Variants in CSMD1 observed in about 807,000 individuals in gnomAD.
CSMD1 encodes CUB and sushi domain-containing protein 1.
A neutral mutation model predicts 417.5 loss-of-function variants in CSMD1; 213 were observed. That is an observed-to-expected ratio of 0.51 (90% CI 0.46 to 0.57). CSMD1 has a LOEUF of 0.57. Among genes scored for constraint, CSMD1 ranks in the 20% least tolerant of loss-of-function variants. The probability of loss-of-function intolerance (pLI) is 0.00; values close to 1 mark genes in which losing one functional copy is unlikely to be tolerated. For synonymous variants in CSMD1, 2,862 were observed against 1,736.8 expected, an observed-to-expected ratio of 1.65 and a Z score of -16.11; for missense variants, 6,923 against 4,529.7, an observed-to-expected ratio of 1.53 and a Z score of -15.17.
At chr8:4,281,054 T>G (rs1008324344) in intron 3 of CSMD1, among the ~76,000 whole-genome samples, 5 of 152,220 alleles carry the variant, frequency 3.3e-5, no homozygotes, top group African/African-American at 1.2e-4. Context: ...TCTGGCTTCA[T>G]GTGTTCACCT....
intron 2 of CSMD1, among the ~76,000 whole-genome samples, chr8:4,455,557 G>A (rs1468756072): frequency 6.6e-6 from 1 of 152,090 alleles, no homozygotes; most frequent in Non-Finnish European, 1.5e-5. Flanking sequence ...TATAGAATAT[G>A]ACCTCCTGCT....
intron 5 of CSMD1, among the ~76,000 whole-genome samples, chr8:3,894,372 C>G (rs961562072): frequency 1.6e-4 from 24 of 152,244 alleles, no homozygotes; most frequent in Admixed American, 8.5e-4. Context: ...TGTTGCAACT[C>G]AAGGGGAGAC....
chr8:3,263,197 C>G (rs958810743), intron 26 of CSMD1, among the ~76,000 whole-genome samples: 1 of 152,170 alleles, frequency 6.6e-6, no homozygotes. Flanking sequence ...CTCCTGGGTT[C>G]AAGCGATTCT....
rs773247399 is a variant in CSMD1 at position 3,308,379 on chromosome 8, G to A, written c.3756C>T (p.Gly1252=). The A allele has an allele frequency of 3.7e-6, 6 of 1,613,830 alleles. No individual in the cohort carries two copies. The highest frequency in any genetic ancestry group is 3.4e-6 in the Non-Finnish European group (4 of 1,179,804). ...YSCNPGYAMH[G]SNTLTCLSGD... ...CACTCAAACAGGTCAGGGTGTTGCT[G>A]CCATGCATGGCGTACCCCGGGTTGC... The change falls in exon 24 of 70, where the codon GGC becomes GGT. Residue 1252 remains glycine (G), a synonymous_variant. Coordinates refer to ENST00000635120, the MANE Select transcript of CSMD1 (RefSeq NM_033225.6).
intron 3 of CSMD1, among the ~76,000 whole-genome samples, chr8:4,334,602 T>C (rs563565548): frequency 2.6e-5 from 4 of 152,294 alleles, no homozygotes; most frequent in African/African-American, 9.6e-5. Context: ...TATTTCTCTA[T>C]CTGTATTTCC....
chr8:3,622,710 T>G (rs568775901), intron 7 of CSMD1, among the ~76,000 whole-genome samples: 1 of 152,380 alleles, frequency 6.6e-6, no homozygotes, highest in South Asian at 2.1e-4. Context: ...GGGAGTTGTT[T>G]CGTGTGATAA....
chr8:3,648,634 C>G (rs2117365847), intron 7 of CSMD1, among the ~76,000 whole-genome samples: 1 of 152,254 alleles, frequency 6.6e-6, no homozygotes, highest in African/African-American at 2.4e-5. Flanking sequence ...TTCTCTAGAG[C>G]ATAACAGGAC....
At chr8:3,704,122 G>A (rs1352058445) in intron 7 of CSMD1, among the ~76,000 whole-genome samples, 1 of 152,222 alleles carries the variant, frequency 6.6e-6, no homozygotes, top group Non-Finnish European at 1.5e-5. Flanking sequence ...AATTAGAGCA[G>A]TCCTCCATCA....
At chr8:4,563,088 T>C (rs779031735) in intron 2 of CSMD1, among the ~76,000 whole-genome samples, 8 of 152,044 alleles carry the variant, frequency 5.3e-5, no homozygotes, top group Non-Finnish European at 1.0e-4. Flanking sequence ...TGAATCTGGG[T>C]TTCTGGAATC....
intron 1 of CSMD1, among the ~76,000 whole-genome samples, chr8:4,948,743 G>T (rs1385842004): frequency 6.6e-6 from 1 of 152,056 alleles, no homozygotes; most frequent in Non-Finnish European, 1.5e-5. Flanking sequence ...TTTAAGAAAA[G>T]TGATAGTTTA....
chr8:4,324,266 TTTCCTC>T (rs1188523868), intron 3 of CSMD1, among the ~76,000 whole-genome samples: 1 of 152,222 alleles, frequency 6.6e-6, no homozygotes, highest in Non-Finnish European at 1.5e-5. Flanking sequence ...TCTGAGACCT[TTTCCTC>T]TTCCTCATCA....
intron 3 of CSMD1, among the ~76,000 whole-genome samples, chr8:4,302,988 CAA>C (rs1798061290): frequency 6.6e-6 from 1 of 151,860 alleles, no homozygotes; most frequent in African/African-American, 2.4e-5. Flanking sequence ...CTCTGTATAT[CAA>C]ATAGACACAA....
intron 8 of CSMD1, among the ~76,000 whole-genome samples, chr8:3,594,913 A>C (rs551225462): frequency 3.0e-4 from 45 of 152,288 alleles, no homozygotes; most frequent in African/African-American, 1.1e-3. Context: ...GTGAGCAAAA[A>C]CCAGGAGGCA....
chr8:3,516,264 A>G (rs1266569645), intron 10 of CSMD1, among the ~76,000 whole-genome samples: 1 of 152,236 alleles, frequency 6.6e-6, no homozygotes, highest in Non-Finnish European at 1.5e-5. Context: ...AGCTGTGCAT[A>G]GGTATGGAGC....
At chr8:4,084,886 C>T (rs1314259297) in intron 3 of CSMD1, among the ~76,000 whole-genome samples, 1 of 152,074 alleles carries the variant, frequency 6.6e-6, no homozygotes, top group African/African-American at 2.4e-5. Flanking sequence ...TACATACATT[C>T]AGTTTAAAAA....
In CSMD1 at chr8:3,405,267, C is replaced by T. The variant is rs143747581; in HGVS notation, c.2266+760G>A. Among the ~76,000 whole-genome samples the T allele has an allele frequency of 4.7e-3, 718 of 152,126 alleles. 4 individuals are homozygous for T. Among genetic ancestry groups the T allele is most frequent in the Middle Eastern group, 0.031 (9 of 292 alleles). Reference sequence around the variant, plus strand: ...TTAAAAATATTTTCTTAGCTTATTGCGCACTGACTATTCTGATATGGACTG... The same window carrying T: ...TTAAAAATATTTTCTTAGCTTATTGTGCACTGACTATTCTGATATGGACTG... On this transcript the variant is annotated intron_variant, in intron 15 of 69. Coordinates refer to ENST00000635120, the MANE Select transcript of CSMD1 (RefSeq NM_033225.6).
At chr8:4,336,204 C>A (rs950014565) in intron 3 of CSMD1, among the ~76,000 whole-genome samples, 4 of 152,144 alleles carry the variant, frequency 2.6e-5, no homozygotes, top group Non-Finnish European at 5.9e-5. Context: ...TCAGGGAATG[C>A]AGGTAGTATG....
At chr8:3,496,949 T>G (rs776056276) in intron 10 of CSMD1, among the ~76,000 whole-genome samples, 2 of 152,226 alleles carry the variant, frequency 1.3e-5, no homozygotes, top group Admixed American at 6.5e-5. Context: ...CGTACAATTT[T>G]GAAAGTTTCT....
At chr8:4,720,982 A>T (rs541651049) in intron 1 of CSMD1, among the ~76,000 whole-genome samples, 1 of 152,140 alleles carries the variant, frequency 6.6e-6, no homozygotes, top group Admixed American at 6.6e-5. Flanking sequence ...CCGGAAGACA[A>T]TTTTTATTTG....
Sources: allele counts gnomAD v4.1 joint callset (sites outside exome capture counted in the v4.1 genomes callset), GRCh38; gene constraint gnomAD v4.1.1; transcripts MANE v1.5; gene names NCBI Gene and HGNC (gene_info 2026-07-23, HGNC 2026-07-21).